KAZN: variants seen among roughly 807,000 people sequenced by gnomAD.
KAZN encodes the protein kazrin.
In KAZN, 40 loss-of-function variants were observed where a neutral mutation model predicts 87.4. That is an observed-to-expected ratio of 0.46 (90% CI 0.36 to 0.60). The LOEUF (loss-of-function observed/expected upper bound fraction) is 0.60, where lower values mean the gene tolerates loss of function less well. Ranked by LOEUF, KAZN falls within the 20% of genes least tolerant of loss-of-function variation. The pLI, the probability that KAZN is intolerant of heterozygous loss-of-function variation, is 0.00. For synonymous variants in KAZN, 466 were observed against 458.3 expected, an observed-to-expected ratio of 1.02 and a Z score of -0.22; for missense variants, 898 against 1,073.9, an observed-to-expected ratio of 0.84 and a Z score of 2.29.
chr1:14,903,630 T>C (rs978023186), intron 1 of KAZN, among the ~76,000 whole-genome samples: 3 of 152,206 alleles, frequency 2.0e-5, no homozygotes, highest in African/African-American at 7.2e-5. Context: ...AGGGATGATG[T>C]GAGAATCTAT....
At chr1:14,097,580 C>T (rs1644156220) in intron 1 of KAZN, among the ~76,000 whole-genome samples, 1 of 152,120 alleles carries the variant, frequency 6.6e-6, no homozygotes, top group Non-Finnish European at 1.5e-5. Context: ...AAGTAGACAA[C>T]AGCCTGCAAT....
intron 2 of KAZN, among the ~76,000 whole-genome samples, chr1:14,508,401 ATCT>A (rs1670721140): frequency 1.3e-5 from 2 of 152,120 alleles, no homozygotes; most frequent in African/African-American, 4.8e-5. Flanking sequence ...GATTCTACGG[ATCT>A]TCTTATTAGG....
At chr1:14,919,109 CCCT>C (rs1355614902) in intron 1 of KAZN, among the ~76,000 whole-genome samples, 2 of 152,142 alleles carry the variant, frequency 1.3e-5, no homozygotes, top group South Asian at 4.1e-4. Context: ...GCTAGAAAAA[CCCT>C]CCTCACACCC....
At chr1:14,461,349 G>T (rs1346472044) in intron 2 of KAZN, among the ~76,000 whole-genome samples, 1 of 152,096 alleles carries the variant, frequency 6.6e-6, no homozygotes, top group African/African-American at 2.4e-5. Flanking sequence ...CCCGCATACT[G>T]TTCTGTGGTG....
At chr1:14,244,842 G>A (rs1016405053) in intron 2 of KAZN, among the ~76,000 whole-genome samples, 4 of 152,188 alleles carry the variant, frequency 2.6e-5, no homozygotes, top group Non-Finnish European at 5.9e-5. Context: ...AGATTGTGTA[G>A]GGCCTTGTTA....
rs562271084 is a variant in KAZN, at chr1:14,291,628, C to A, written c.249+111036C>A. 9.2e-5 allele frequency among the ~76,000 whole-genome samples: 14 copies of A among 152,250 alleles called. No homozygotes were observed. In the South Asian group the frequency reaches 2.9e-3, roughly 32 times the overall value. The stretch of plus-strand genomic sequence containing the variant: ...GGCTAGGAAAGGGAAATCCCTTGAC[C>A]CCTTGCACTTCCTGGGTAAGGTGAT... On this transcript the variant is annotated intron_variant, in intron 2 of 16. Transcript: ENST00000636203.
rs377175919 is a variant in KAZN at position 14,060,159 on chromosome 1, C to T, written c.92-120276C>T. Among the ~76,000 whole-genome samples, 6 of 152,086 alleles carry T rather than the reference C, an allele frequency of 3.9e-5. No homozygotes were observed. In the East Asian group the frequency reaches 9.7e-4, roughly 25 times the overall value. On this transcript the variant is annotated intron_variant, in intron 1 of 16. Transcript: ENST00000636203. Reference sequence around the variant, plus strand: ...CGGGCGGATCACAAGGTCAGGAGATCGAGACCATCCTAGCTAACACAGTGA... The same window carrying T: ...CGGGCGGATCACAAGGTCAGGAGATTGAGACCATCCTAGCTAACACAGTGA...
intron 2 of KAZN, among the ~76,000 whole-genome samples, chr1:14,352,457 T>C (rs925686686): frequency 3.3e-5 from 5 of 152,190 alleles, no homozygotes; most frequent in African/African-American, 1.2e-4. Context: ...AATTGATTAC[T>C]TTGCCTCATA....
At chr1:14,598,599 GC>G, upstream of KAZN, 4 of 1,003,446 alleles carry the variant, frequency 4.0e-6, no homozygotes, top group Non-Finnish European at 3.6e-6. The surrounding 1 kb of genome is among the most constrained non-coding windows in gnomAD (Gnocchi z 4.2). Context: ...GGCCAAGGGT[GC>G]CCCCAGCCTC....
intron 2 of KAZN, among the ~76,000 whole-genome samples, chr1:14,519,987 G>A (rs914200421): frequency 6.6e-6 from 1 of 152,194 alleles, no homozygotes; most frequent in Admixed American, 6.5e-5. Flanking sequence ...TGTCACACAT[G>A]TGTTTCCTGC....
chr1:14,039,633 G>C (rs1641713870), intron 1 of KAZN, among the ~76,000 whole-genome samples: 1 of 152,238 alleles, frequency 6.6e-6, no homozygotes, highest in Non-Finnish European at 1.5e-5. Flanking sequence ...ACACAGTATA[G>C]TTTAGCAATC....
rs552480503 is a variant in KAZN, at chr1:13,990,987, A to ATAAG, written c.91+97232_91+97233insAAGT. ...AGTTTGGTGACTTATAACAACTATT[A>ATAAG]TTTTTCCGAGCTCTGTGGTTTGGCA... On this transcript the variant is annotated intron_variant, in intron 1 of 16. Coordinates refer to the KAZN transcript ENST00000636203. 3.0e-3 allele frequency among the ~76,000 whole-genome samples: 458 copies of ATAAG among 152,230 alleles called. 5 individuals are homozygous for ATAAG. Among genetic ancestry groups the ATAAG allele is most frequent in the Non-Finnish European group, 5.4e-4 (37 of 68,016 alleles).
intron 1 of KAZN, among the ~76,000 whole-genome samples, chr1:14,004,708 G>A (rs192611276): frequency 6.6e-5 from 10 of 152,046 alleles, no homozygotes; most frequent in Non-Finnish European, 8.8e-5. Context: ...TGTACATAGT[G>A]TTTGCTATGG....
At chr1:13,940,287 T>C (rs1056353665) in intron 1 of KAZN, among the ~76,000 whole-genome samples, 106 of 152,264 alleles carry the variant, frequency 7.0e-4, no homozygotes, top group African/African-American at 2.4e-3. Context: ...TGGGAGATTT[T>C]TTTTTTTTGA....
At position 14,923,811 on chromosome 1, in the gene KAZN, G is replaced by A. The variant is rs778594937; in HGVS notation, c.227-36873G>A. 6.6e-6 allele frequency among the ~76,000 whole-genome samples: 1 copy of A among 152,216 alleles called. No individual in the cohort carries two copies. Among genetic ancestry groups the A allele is most frequent in the Non-Finnish European group, 1.5e-5 (1 of 68,032 alleles). ...TCGGCTCTCGGCAAGGCTGTCACAG[G>A]GTGTCAGGAGAGGAGAGAGACACAG... On this transcript the variant is annotated intron_variant, in intron 1 of 14. Coordinates refer to ENST00000376030, the MANE Select transcript of KAZN (RefSeq NM_201628.3). This position sits in a 1 kb window ranked among gnomAD's most constrained non-coding sequence, Gnocchi z 4.2.
At chr1:14,181,917 C>G (rs771835709) in intron 2 of KAZN, among the ~76,000 whole-genome samples, 3 of 152,144 alleles carry the variant, frequency 2.0e-5, no homozygotes, top group Non-Finnish European at 4.4e-5. Context: ...TGTGTAAACT[C>G]CAGTTTGCAA....
chr1:14,908,456 C>T (rs1656858654), intron 1 of KAZN, among the ~76,000 whole-genome samples: 2 of 152,074 alleles, frequency 1.3e-5, no homozygotes, highest in African/African-American at 4.8e-5. Context: ...GCAGGAGAAT[C>T]GCTTGAGCCT....
At chr1:14,668,703 CAGGCCTCCGTA>C (rs1639730163) in intron 1 of KAZN, among the ~76,000 whole-genome samples, 1 of 152,160 alleles carries the variant, frequency 6.6e-6, no homozygotes. Context: ...AGCTGCTCCC[CAGGCCTCCGTA>C]AGGTGATAGT....
At chr1:13,950,141 C>T (rs565047454) in intron 1 of KAZN, among the ~76,000 whole-genome samples, 1 of 152,362 alleles carries the variant, frequency 6.6e-6, no homozygotes, top group East Asian at 1.9e-4. Flanking sequence ...CATGCACCTG[C>T]TGCTTTGTTT....
Sources: gnomAD v4.1 joint callset for allele counts (sites outside exome capture counted in the v4.1 genomes callset) on GRCh38, gnomAD v4.1.1 for gene constraint, Gnocchi (gnomAD v3.1) non-coding constraint, MANE v1.5 for transcripts, NCBI Gene and HGNC (gene_info 2026-07-23, HGNC 2026-07-21) for gene names.